The following TDRKH variants were observed in gnomAD, a reference collection of about 807,000 sequenced individuals.
TDRKH encodes the protein tudor and KH domain-containing protein.
Under a neutral mutation model 61.3 loss-of-function variants are expected in TDRKH, and 28 were observed. The ratio of observed to expected loss-of-function variants is 0.46; its 90% confidence interval spans 0.34 to 0.63. The LOEUF is 0.63. Ranked by LOEUF, TDRKH falls within the 20% of genes least tolerant of loss-of-function variation. The pLI, the probability that TDRKH is intolerant of heterozygous loss-of-function variation, is 0.01. For missense variants in TDRKH, 540 were observed against 683.4 expected, an observed-to-expected ratio of 0.79 and a Z score of 2.34; for synonymous variants, 219 against 244.4, an observed-to-expected ratio of 0.90 and a Z score of 0.97.
chr1:151,781,052 A>G (rs1265005087), intron 3 of TDRKH, among the ~76,000 whole-genome samples: 1 of 151,662 alleles, frequency 6.6e-6, no homozygotes. Flanking sequence ...CCAGTGGCTC[A>G]CACCTGTAAT....
chr1:151,771,680 G>A (rs1648711304), downstream of TDRKH: 1 of 377,234 alleles, frequency 2.7e-6, no homozygotes, highest in African/African-American at 2.1e-5. Flanking sequence ...TCAACGGACA[G>A]AATAGGTAAC....
At chr1:151,777,598 A>T (rs1649308801) in intron 6 of TDRKH, among the ~76,000 whole-genome samples, 1 of 152,176 alleles carries the variant, frequency 6.6e-6, no homozygotes, top group Admixed American at 6.5e-5. Flanking sequence ...TTCAAGTAAA[A>T]TATTATTACC....
downstream of TDRKH, among the ~76,000 whole-genome samples, chr1:151,773,313 G>A (rs914174391): frequency 9.9e-5 from 15 of 152,192 alleles, no homozygotes; most frequent in Non-Finnish European, 1.9e-4. Context: ...GAGCTACCGT[G>A]CCCAGCCAGT....
chr1:151,771,389 C>T, downstream of TDRKH: 2 of 1,368,678 alleles, frequency 1.5e-6, no homozygotes, highest in East Asian at 2.7e-5. Flanking sequence ...GTGGGATATA[C>T]ACCTTAACAG....
downstream of TDRKH, among the ~76,000 whole-genome samples, chr1:151,767,679 T>C (rs1648410936): frequency 2.6e-5 from 4 of 152,152 alleles, no homozygotes; most frequent in Admixed American, 2.6e-4. Context: ...GCATTTTAAA[T>C]AGAAGAATTT....
At chr1:151,781,667 G>T in intron 2 of TDRKH, 80 bp from the exon 3 acceptor site, 1 of 1,282,210 alleles carries the variant, frequency 7.8e-7, no homozygotes, top group Non-Finnish European at 1.1e-6. Flanking sequence ...CCAGAATCTG[G>T]CTGTCAAAGA....
At chr1:151,780,614 G>A (rs1649659734) in intron 3 of TDRKH, among the ~76,000 whole-genome samples, 1 of 152,184 alleles carries the variant, frequency 6.6e-6, no homozygotes, top group African/African-American at 2.4e-5. Context: ...ACTTTGGGAA[G>A]CCAAGGCGGC....
Position 151,781,326 on chromosome 1 carries a change from A to ATATATATATATATATATATATATAT in TDRKH, c.231+154_231+155insATATATATATATATATATATATATA, listed in dbSNP as rs1553282714. On this transcript the variant is annotated intron_variant, in intron 3 of 12. Transcript: ENST00000368824. ...GAGCGAAACTCCATCTCAAAAAAAA[A>ATATATATATATATATATATATATAT]AAATATATATATATATATTTTATAT... Among the ~76,000 whole-genome samples the ATATATATATATATATATATATATAT allele has an allele frequency of 4.8e-3, 107 of 22,282 alleles. 2 individuals carry two copies. Among genetic ancestry groups the ATATATATATATATATATATATATAT allele is most frequent in the African/African-American group, 6.5e-3 (93 of 14,380 alleles). 14.6% of individuals were successfully genotyped at this position (22,282 alleles called of 152,430 possible). A position where few individuals can be genotyped will look rare whatever the true frequency, so the allele number is the denominator to read the frequency against.
At chr1:151,781,328 A>AAAATTATATATATATATATATATAT (rs1491536697) in intron 3 of TDRKH, among the ~76,000 whole-genome samples, 153 bp downstream of exon 3, 4 of 68,600 alleles carry the variant, frequency 5.8e-5, no homozygotes, top group South Asian at 3.7e-4. Context: ...AAAAAAAAAA[A>AAAATTATATATATATATATATATAT]ATATATATAT....
At chr1:151,783,225 A>T in intron 1 of TDRKH, 176 bp from the exon 2 acceptor site, 1 of 431,486 alleles carries the variant, frequency 2.3e-6, no homozygotes, top group Non-Finnish European at 3.9e-6. Flanking sequence ...GTATTTTTTA[A>T]AAGTTAGCTA....
downstream of TDRKH, among the ~76,000 whole-genome samples, chr1:151,768,781 G>T (rs546922669): frequency 1.3e-5 from 2 of 152,284 alleles, no homozygotes; most frequent in South Asian, 4.1e-4. Context: ...GTGAACAAGG[G>T]TCTCTGGTTT....
At chr1:151,770,799 T>C (rs6673002), downstream of TDRKH, among the ~76,000 whole-genome samples, 1 of 152,176 alleles carries the variant, frequency 6.6e-6, no homozygotes, top group Non-Finnish European at 1.5e-5. Context: ...AAGCACTTCA[T>C]GAACATCTCA....
At chr1:151,766,718 A>C, downstream of TDRKH, 3 of 1,551,810 alleles carry the variant, frequency 1.9e-6, no homozygotes, top group Non-Finnish European at 2.6e-6. Flanking sequence ...ACTGAACTGA[A>C]AAACTGCCTT....
Position 151,776,574 on chromosome 1 carries a change from A to C in TDRKH, c.909T>G (p.His303Gln). The C allele has an allele frequency of 6.2e-7, 1 of 1,614,166 alleles. No individual in the cohort carries two copies. ...CGTAGACTTCTAGGTACTCATCAGC[A>C]TGAAAACTGAAGTCAGGACTGGGGA... ...FEIPSPDFSF[H>Q]ADEYLEVYVS... Residue 303 changes from histidine (H) to glutamine (Q), a missense_variant, in exon 7 of 13, where the codon CAT (histidine) becomes CAG (glutamine). Around this residue, in one of 3 missense-constraint regions of TDRKH, gnomAD observed 379 missense variants for 443.8 expected, o/e 0.85. Coordinates refer to ENST00000368824, the MANE Select transcript of TDRKH (RefSeq NM_001083965.2).
intron 1 of TDRKH, among the ~76,000 whole-genome samples, chr1:151,786,183 C>T (rs931950625): frequency 3.9e-5 from 6 of 152,118 alleles, no homozygotes; most frequent in African/African-American, 1.4e-4. Flanking sequence ...GAACATCTAG[C>T]ACCGAAATCT....
At chr1:151,784,582 T>C (rs551400719) in intron 1 of TDRKH, among the ~76,000 whole-genome samples, 6 of 152,294 alleles carry the variant, frequency 3.9e-5, no homozygotes, top group East Asian at 3.9e-4. Flanking sequence ...ACATTCTCCA[T>C]AGCACACCCT....
chr1:151,777,650 A>G (rs1056874314), intron 6 of TDRKH, among the ~76,000 whole-genome samples: 1 of 152,126 alleles, frequency 6.6e-6, no homozygotes, highest in Admixed American at 6.5e-5. Flanking sequence ...TGTATTCATG[A>G]AAAAAGACTT....
intron 9 of TDRKH, 44 bp downstream of exon 9, chr1:151,775,776 A>T: frequency 1.9e-6 from 3 of 1,589,644 alleles, no homozygotes; most frequent in Non-Finnish European, 2.6e-6. Flanking sequence ...GTATGAAGTT[A>T]TTCTATTTGG....
Position 151,775,092 on chromosome 1 carries a change from T to C in TDRKH, c.1509A>G (p.Arg503=), listed in dbSNP as rs538129040. The change falls in exon 11 of 13, where the codon AGA becomes AGG. Residue 503 remains arginine (R), a synonymous_variant. Transcript: ENST00000368824. ...IELPEDIEEN[R]AVPDMLKDMA... is the part of the protein sequence containing the mutation. ...TGTCCTTCAACATGTCTGGGACAGC[T>C]CTGTTTTCTTCTATGTCTTCAGGAA... The C allele has an allele frequency of 2.5e-6, 4 of 1,614,188 alleles. No homozygotes were observed. The South Asian group carries it at 3.3e-5, about 13-fold the overall frequency.
Sources: gnomAD v4.1 joint callset for allele counts (sites outside exome capture counted in the v4.1 genomes callset) on GRCh38, gnomAD v4.1.1 for gene constraint, gnomAD v4.1.1 regional missense constraint, MANE v1.5 for transcripts, NCBI Gene and HGNC (gene_info 2026-07-23, HGNC 2026-07-21) for gene names.